SRD5A2: variants seen among roughly 807,000 people sequenced by gnomAD.
SRD5A2 encodes the protein 3-oxo-5-alpha-steroid 4-dehydrogenase 2.
A neutral mutation model predicts 27.4 loss-of-function variants in SRD5A2; 30 were observed. The observed-to-expected ratio is 1.10, with a 90% CI of 0.82 to 1.49. The LOEUF is 1.49. Ranked by LOEUF, SRD5A2 falls within the 40% of genes most tolerant of loss-of-function variation. The pLI is 0.00. For synonymous variants in SRD5A2, 141 were observed against 133.6 expected (o/e 1.06, Z -0.38); for missense variants, 348 against 323.4 (o/e 1.08, Z -0.58).
chr2:31,567,769 G>A lies in SRD5A2; in HGVS notation c.281+12851C>T, dbSNP rs1666764194. On this transcript the variant is annotated intron_variant, in intron 1 of 4. Transcript: ENST00000622030. ...GTCTTTGTGTCACGAGATCCTTGGG[G>A]TGTCACTTCACCAGCTGGAAACCTC... Among the ~76,000 whole-genome samples the A allele has an allele frequency of 2.0e-5, 3 of 152,124 alleles. No individual in the cohort carries two copies. In the South Asian group the frequency reaches 6.2e-4, roughly 32 times the overall value.
chr2:31,608,397 A>G, the SRD5A2 span, among the ~76,000 whole-genome samples: 1 of 151,962 alleles, frequency 6.6e-6, no homozygotes, highest in African/African-American at 2.4e-5. Flanking sequence ...GATAAAATCT[A>G]AAAAATAATA....
intron 1 of SRD5A2, among the ~76,000 whole-genome samples, chr2:31,544,065 A>C (rs1666195463): frequency 6.6e-6 from 1 of 152,050 alleles, no homozygotes; most frequent in South Asian, 2.1e-4. Context: ...ATGGACTTTA[A>C]ATTTTTTTAA....
rs1665906434 is a variant in SRD5A2, at chr2:31,531,474, T to G, written c.446-2A>C. ...TTCCCAAAATAAATAAGAAGACACCTTGACAAAGAAGAGAGAAAGGAGAAA... is the reference window on the plus strand; with the variant it reads ...TTCCCAAAATAAATAAGAAGACACCGTGACAAAGAAGAGAGAAAGGAGAAA... On this transcript the variant is annotated splice_acceptor_variant, in intron 2 of 4. Coordinates refer to ENST00000622030, the MANE Select transcript of SRD5A2 (RefSeq NM_000348.4). LOFTEE classifies it high-confidence loss of function. 6.3e-7 allele frequency: 1 copy of G among 1,584,454 alleles called. No homozygotes were observed. Among genetic ancestry groups the G allele is most frequent in the Non-Finnish European group, 8.6e-7 (1 of 1,162,686 alleles).
chr2:31,603,105 A>T, the SRD5A2 span, among the ~76,000 whole-genome samples: 4 of 152,174 alleles, frequency 2.6e-5, no homozygotes, highest in African/African-American at 9.7e-5. Flanking sequence ...ACAGCAAAAG[A>T]AACTATCATC....
the SRD5A2 span, among the ~76,000 whole-genome samples, chr2:31,617,213 C>A: frequency 6.6e-6 from 1 of 152,102 alleles, no homozygotes; most frequent in East Asian, 1.9e-4. Flanking sequence ...ACTAATACAG[C>A]CACCAAGGCT....
chr2:31,644,450 T>G, the SRD5A2 span, among the ~76,000 whole-genome samples: 36 of 152,310 alleles, frequency 2.4e-4, no homozygotes, highest in South Asian at 7.3e-3. Flanking sequence ...GACAATTTTT[T>G]GGGAGTGGCT....
the SRD5A2 span, among the ~76,000 whole-genome samples, chr2:31,632,541 C>A: frequency 6.6e-6 from 1 of 152,166 alleles, no homozygotes; most frequent in Non-Finnish European, 1.5e-5. Context: ...CATGCCATCA[C>A]CCTCACAGAG....
At chr2:31,537,093 A>G (rs1470346828) in intron 1 of SRD5A2, among the ~76,000 whole-genome samples, 1 of 152,222 alleles carries the variant, frequency 6.6e-6, no homozygotes, top group African/African-American at 2.4e-5. Context: ...ATATTTAACT[A>G]AGTCTTCTTC....
chr2:31,553,504 C>G (rs1019704028), intron 1 of SRD5A2, among the ~76,000 whole-genome samples: 2 of 152,042 alleles, frequency 1.3e-5, no homozygotes, highest in African/African-American at 4.8e-5. Flanking sequence ...AATACAGAGA[C>G]AAAGAAATTG....
the SRD5A2 span, among the ~76,000 whole-genome samples, chr2:31,593,737 A>T: frequency 4.8e-4 from 73 of 152,178 alleles, no homozygotes; most frequent in Non-Finnish European, 1.0e-3. Context: ...TCACCAAGGA[A>T]CATAGCCACC....
At chr2:31,551,776 C>T (rs1424767291) in intron 1 of SRD5A2, among the ~76,000 whole-genome samples, 1 of 152,020 alleles carries the variant, frequency 6.6e-6, no homozygotes, top group East Asian at 1.9e-4. Context: ...GTCAGAGTTC[C>T]TATCAGATTT....
At chr2:31,570,687 A>G (rs753763293) in intron 1 of SRD5A2, among the ~76,000 whole-genome samples, 7 of 152,256 alleles carry the variant, frequency 4.6e-5, no homozygotes, top group Non-Finnish European at 1.0e-4. Context: ...GTTTCAGGAT[A>G]CAAAATCAAT....
rs762730566 is a variant in SRD5A2, at chr2:31,522,908, C to G, written c.*3288G>C. On this transcript the variant is annotated 3_prime_UTR_variant, in exon 5 of 5. Coordinates refer to ENST00000622030, the MANE Select transcript of SRD5A2 (RefSeq NM_000348.4). ...CATGTGCCAAGAGCTTGCTCCCCTG[C>G]TTCTTAGTGAGATTGCCATGAGGTA... 1.2e-4 allele frequency: 26 copies of G among 223,328 alleles called. No homozygotes were observed. The highest frequency in any genetic ancestry group is 2.0e-4 in the Non-Finnish European group (22 of 111,948). 13.8% of individuals were successfully genotyped at this position (223,328 alleles called of 1,614,324 possible).
At chr2:31,570,709 A>G (rs1448065062) in intron 1 of SRD5A2, among the ~76,000 whole-genome samples, 2 of 152,250 alleles carry the variant, frequency 1.3e-5, no homozygotes, top group Non-Finnish European at 2.9e-5. Flanking sequence ...TACAAAAATT[A>G]CTAGCATTCC....
the SRD5A2 span, among the ~76,000 whole-genome samples, chr2:31,587,569 T>TA: frequency 7.4e-4 from 113 of 151,954 alleles, no homozygotes; most frequent in African/African-American, 2.5e-3. Context: ...TATGCAGCCA[T>TA]AAAAAAAATG....
the SRD5A2 span, among the ~76,000 whole-genome samples, chr2:31,605,739 G>A: frequency 1.3e-4 from 20 of 149,798 alleles, no homozygotes; most frequent in African/African-American, 4.7e-4. Context: ...TAGTTTGGAG[G>A]ATCAAAAAAA....
the SRD5A2 span, among the ~76,000 whole-genome samples, chr2:31,640,792 G>A: frequency 5.3e-5 from 8 of 151,968 alleles, no homozygotes; most frequent in African/African-American, 1.7e-4. Context: ...CTACCTACCC[G>A]CTTTGTCCCT....
At chr2:31,618,681 G>A in the SRD5A2 span, among the ~76,000 whole-genome samples, 2 of 152,000 alleles carry the variant, frequency 1.3e-5, no homozygotes, top group Admixed American at 1.3e-4. Flanking sequence ...AGGGTAAGAG[G>A]GAGAAAGCAA....
the SRD5A2 span, among the ~76,000 whole-genome samples, chr2:31,635,144 C>T: frequency 6.6e-6 from 1 of 152,256 alleles, no homozygotes; most frequent in Admixed American, 6.5e-5. Context: ...ATTTACATTC[C>T]CACCAACAAT....
Sources: allele counts gnomAD v4.1 joint callset (sites outside exome capture counted in the v4.1 genomes callset), GRCh38; gene constraint gnomAD v4.1.1; transcripts MANE v1.5; gene names NCBI Gene and HGNC (gene_info 2026-07-23, HGNC 2026-07-21).